SDK1: variants seen among roughly 807,000 people sequenced by gnomAD.
SDK1 encodes protein sidekick-1.
SDK1 carries 157 observed loss-of-function variants against 245.5 expected under a neutral mutation model. The observed-to-expected ratio is 0.64, with a 90% CI of 0.56 to 0.73. The LOEUF (loss-of-function observed/expected upper bound fraction) is 0.73. SDK1 is among the 30% of genes least tolerant of loss of function. SDK1 has a pLI of 0.00. For synonymous variants in SDK1, 1,647 were observed against 1,278.5 expected, an observed-to-expected ratio of 1.29 and a Z score of -6.15; for missense variants, 3,583 against 3,002.3, an observed-to-expected ratio of 1.19 and a Z score of -4.52.
At position 3,704,394 on chromosome 7, in the gene SDK1, C is replaced by A. The variant is rs184741281; in HGVS notation, c.713+62289C>A. 2.6e-5 allele frequency among the ~76,000 whole-genome samples: 4 copies of A among 151,454 alleles called. No homozygotes were observed. The East Asian group carries it at 7.7e-4, about 29-fold the overall frequency. On this transcript the variant is annotated intron_variant, in intron 4 of 44. Transcript: ENST00000404826. ...TTTTTTTTTACTTTTTAATAATGGCCATTCTTGCAGGAGTAAGGTGGCATC... is the reference window on the plus strand; with the variant it reads ...TTTTTTTTTACTTTTTAATAATGGCAATTCTTGCAGGAGTAAGGTGGCATC...
chr7:3,594,022 G>T (rs1482334380), intron 1 of SDK1, among the ~76,000 whole-genome samples: 1 of 152,046 alleles, frequency 6.6e-6, no homozygotes, highest in Non-Finnish European at 1.5e-5. Flanking sequence ...CATGTTTAGG[G>T]AGTTGTGCAA....
intron 4 of SDK1, among the ~76,000 whole-genome samples, chr7:3,759,453 T>C (rs1780029004): frequency 6.6e-6 from 1 of 152,192 alleles, no homozygotes; most frequent in South Asian, 2.1e-4. Flanking sequence ...AAGTATTAGT[T>C]AATGATGGTG....
chr7:4,129,769 G>C (rs1784668854), intron 26 of SDK1, 139 bp from the exon 27 acceptor site: 1 of 1,477,600 alleles, frequency 6.8e-7, no homozygotes, highest in Non-Finnish European at 8.9e-7. Context: ...ATTAGATCCA[G>C]AAGCCCTGCA....
At chr7:3,780,736 C>T (rs1328820799) in intron 4 of SDK1, among the ~76,000 whole-genome samples, 2 of 152,064 alleles carry the variant, frequency 1.3e-5, no homozygotes, top group Non-Finnish European at 2.9e-5. Flanking sequence ...CCACCCTGTG[C>T]AGGCAGAGAC....
At chr7:3,919,386 T>A (rs1779506632) in intron 5 of SDK1, among the ~76,000 whole-genome samples, 3 of 152,186 alleles carry the variant, frequency 2.0e-5, no homozygotes, top group Admixed American at 2.0e-4. Flanking sequence ...ATGGGAACCA[T>A]CTACTGCTGC....
Position 3,341,628 on chromosome 7 carries a change from A to G in SDK1, c.298+39744A>G, listed in dbSNP as rs139515434. ...TAGTTGCTGCATACAGGATCAACAC[A>G]AAAACCATGTTTCTATACCCTAACA... On this transcript the variant is annotated intron_variant, in intron 1 of 44. Transcript: ENST00000404826. 2.5e-3 allele frequency among the ~76,000 whole-genome samples: 388 copies of G among 152,366 alleles called. 5 individuals carry two copies. The highest frequency in any genetic ancestry group is 8.9e-3 in the African/African-American group (372 of 41,584).
At position 3,405,264 on chromosome 7, in the gene SDK1, A is replaced by G. The variant is rs369887231; in HGVS notation, c.298+103380A>G. Reference sequence around the variant, plus strand: ...TTGGTGGCTGTATGAGTACTCTGGTATTATAGGAGTTGAAGTGTGAGGTGG... The same window carrying G: ...TTGGTGGCTGTATGAGTACTCTGGTGTTATAGGAGTTGAAGTGTGAGGTGG... On this transcript the variant is annotated intron_variant, in intron 1 of 44. Coordinates refer to ENST00000404826, the MANE Select transcript of SDK1 (RefSeq NM_152744.4). Among the ~76,000 whole-genome samples, 10 of 152,020 alleles carry G rather than the reference A, an allele frequency of 6.6e-5. No homozygotes were observed. The East Asian group carries it at 1.2e-3, about 18-fold the overall frequency.
intron 1 of SDK1, among the ~76,000 whole-genome samples, chr7:3,581,743 A>G (rs1408299394): frequency 6.6e-6 from 1 of 152,220 alleles, no homozygotes; most frequent in Non-Finnish European, 1.5e-5. Context: ...CATGGAGTCA[A>G]CCTAAATGCT....
chr7:4,180,608 G>A (rs541656574), intron 35 of SDK1, among the ~76,000 whole-genome samples: 14 of 152,362 alleles, frequency 9.2e-5, no homozygotes, highest in African/African-American at 2.9e-4. Context: ...TCACACTGCT[G>A]TAAAGGGACG....
At position 4,033,982 on chromosome 7, in the gene SDK1, C is replaced by T. The variant is rs187315443; in HGVS notation, c.2603-15366C>T. ...AAGGAAAAAAAACGGAGTAACTCGA[C>T]CCTGGAGAAACCTGGCAGTGAGTGG... On this transcript the variant is annotated intron_variant, in intron 17 of 44. Transcript: ENST00000404826. Among the ~76,000 whole-genome samples the T allele has an allele frequency of 1.0e-3, 156 of 152,268 alleles. 2 individuals are homozygous for T. Among genetic ancestry groups the T allele is most frequent in the African/African-American group, 3.4e-3 (143 of 41,550 alleles).
chr7:4,028,168 A>G (rs1247710665), intron 17 of SDK1, among the ~76,000 whole-genome samples: 2 of 152,134 alleles, frequency 1.3e-5, no homozygotes, highest in South Asian at 4.2e-4. Flanking sequence ...CTTACTCCAG[A>G]CCCACTGAAT....
chr7:4,005,458 A>G (rs1224094857), intron 14 of SDK1, among the ~76,000 whole-genome samples: 2 of 146,866 alleles, frequency 1.4e-5, no homozygotes, highest in Non-Finnish European at 3.0e-5. Flanking sequence ...TGGGTATTGC[A>G]GGTACTTCCT....
chr7:3,567,158 T>C (rs912445302), intron 1 of SDK1, among the ~76,000 whole-genome samples: 1 of 152,224 alleles, frequency 6.6e-6, no homozygotes, highest in African/African-American at 2.4e-5. Flanking sequence ...TGTTAGGTTT[T>C]TTAAAAACAC....
At chr7:3,969,017 T>C (rs896134374) in intron 10 of SDK1, among the ~76,000 whole-genome samples, 3 of 152,108 alleles carry the variant, frequency 2.0e-5, no homozygotes, top group Non-Finnish European at 4.4e-5. Context: ...CAAACAGTTT[T>C]AAACCATCAG....
intron 5 of SDK1, among the ~76,000 whole-genome samples, chr7:3,882,605 G>A (rs1781234097): frequency 6.6e-6 from 1 of 152,234 alleles, no homozygotes; most frequent in African/African-American, 2.4e-5. Flanking sequence ...TTTGAGAGAA[G>A]TGTACATGGA....
intron 35 of SDK1, among the ~76,000 whole-genome samples, chr7:4,200,085 A>G (rs1224030021): frequency 6.6e-6 from 1 of 151,568 alleles, no homozygotes; most frequent in Non-Finnish European, 1.5e-5. Flanking sequence ...ACAGAGTGAT[A>G]CTCCATCCCC....
chr7:4,180,558 C>G lies in SDK1; in HGVS notation c.5098+1972C>G, dbSNP rs112938640. Among the ~76,000 whole-genome samples, 980 of 152,340 alleles carry G rather than the reference C, an allele frequency of 6.4e-3. 10 individuals are homozygous for G. Among genetic ancestry groups the G allele is most frequent in the African/African-American group, 0.023 (939 of 41,568 alleles). ...CCAGCTCTATGCCCAGCGCCCAGCTCCAGTTCTAGGGTCTGCGCTGTTGGT... is the reference window on the plus strand; with the variant it reads ...CCAGCTCTATGCCCAGCGCCCAGCTGCAGTTCTAGGGTCTGCGCTGTTGGT... On this transcript the variant is annotated intron_variant, in intron 35 of 44. Transcript: ENST00000404826.
intron 19 of SDK1, among the ~76,000 whole-genome samples, chr7:4,060,490 T>C (rs1041898285): frequency 6.6e-6 from 1 of 152,034 alleles, no homozygotes; most frequent in East Asian, 1.9e-4. Flanking sequence ...ATGGGGTTGT[T>C]TGTTTTTTTC....
intron 5 of SDK1, among the ~76,000 whole-genome samples, chr7:3,904,916 C>A (rs1409191067): frequency 1.3e-5 from 2 of 151,562 alleles, no homozygotes; most frequent in Non-Finnish European, 2.9e-5. Context: ...TGGCGTGAAC[C>A]CGGGAGGTGG....
Sources: gnomAD v4.1 joint callset for allele counts (sites outside exome capture counted in the v4.1 genomes callset) on GRCh38, gnomAD v4.1.1 for gene constraint, MANE v1.5 for transcripts, NCBI Gene and HGNC (gene_info 2026-07-23, HGNC 2026-07-21) for gene names.